CDYL2: variants seen among roughly 807,000 people sequenced by gnomAD.
CDYL2 encodes the protein chromodomain Y like 2, also known as chromodomain Y-like protein 2.
Under a neutral mutation model 49.4 loss-of-function variants are expected in CDYL2, and 23 were observed. That is an observed-to-expected ratio of 0.47 (90% CI 0.34 to 0.66). CDYL2 has a LOEUF of 0.66. Ranked by LOEUF, CDYL2 falls within the 30% of genes least tolerant of loss-of-function variation. The pLI is 0.01. For synonymous variants in CDYL2, 360 were observed against 268.8 expected, an observed-to-expected ratio of 1.34 and a Z score of -3.32; for missense variants, 678 against 656.4, an observed-to-expected ratio of 1.03 and a Z score of -0.36.
chr16:80,708,676 G>A (rs1479545378), intron 1 of CDYL2, among the ~76,000 whole-genome samples: 1 of 152,168 alleles, frequency 6.6e-6, no homozygotes, highest in Non-Finnish European at 1.5e-5. Context: ...CTGTACCCAA[G>A]AGGCAATCAA....
chr16:80,648,164 G>A (rs1437150334), intron 2 of CDYL2, among the ~76,000 whole-genome samples: 1 of 151,690 alleles, frequency 6.6e-6, no homozygotes, highest in Non-Finnish European at 1.5e-5. Context: ...AAAGATCAGA[G>A]TGGAAATAGA....
At chr16:80,702,004 G>A (rs1008765625) in intron 1 of CDYL2, among the ~76,000 whole-genome samples, 5 of 152,084 alleles carry the variant, frequency 3.3e-5, no homozygotes, top group South Asian at 2.1e-4. Context: ...AGATAAAATC[G>A]GAAACAAAGT....
chr16:80,712,957 G>C (rs1435297495), intron 1 of CDYL2, among the ~76,000 whole-genome samples: 1 of 152,126 alleles, frequency 6.6e-6, no homozygotes, highest in Non-Finnish European at 1.5e-5. Flanking sequence ...GGGACAAGAG[G>C]AAGGAGGAGA....
chr16:80,644,759 C>T (rs1280875948), intron 2 of CDYL2, among the ~76,000 whole-genome samples: 1 of 152,114 alleles, frequency 6.6e-6, no homozygotes, highest in Non-Finnish European at 1.5e-5. Flanking sequence ...CTATAGTAAC[C>T]AAAACAGCAT....
At position 80,602,303 on chromosome 16, in the gene CDYL2, C is replaced by G. The variant is rs996945403; in HGVS notation, c.*2085G>C. ...AAGTCCTTACAGGATCCTACATGGACAAAGGGGAGGGTGCACAGGACTTTA... is the reference window on the plus strand; with the variant it reads ...AAGTCCTTACAGGATCCTACATGGAGAAAGGGGAGGGTGCACAGGACTTTA... On this transcript the variant is annotated 3_prime_UTR_variant, in exon 7 of 7. Coordinates refer to ENST00000570137, the MANE Select transcript of CDYL2 (RefSeq NM_152342.4). 3 of 152,178 alleles carry G rather than the reference C, an allele frequency of 2.0e-5. No individual in the cohort carries two copies. Among genetic ancestry groups the G allele is most frequent in the African/African-American group, 7.2e-5 (3 of 41,414 alleles). 9.4% of individuals were successfully genotyped at this position (152,178 alleles called of 1,614,324 possible). A position where few individuals can be genotyped will look rare whatever the true frequency, so the allele number is the denominator to read the frequency against.
rs142996428 is a variant in CDYL2, at chr16:80,643,571, G to C, written c.617-10335C>G. Reference sequence around the variant, plus strand: ...CCTGCCCCTGCAGCAAACCTGCGTGGGTATCCACGCATTTCCATACATCTT... The same window carrying C: ...CCTGCCCCTGCAGCAAACCTGCGTGCGTATCCACGCATTTCCATACATCTT... On this transcript the variant is annotated intron_variant, in intron 2 of 6. Transcript: ENST00000570137. Among the ~76,000 whole-genome samples, 248 of 152,326 alleles carry C rather than the reference G, an allele frequency of 1.6e-3. 3 individuals carry two copies. In the Middle Eastern group the frequency reaches 0.017, roughly 10 times the overall value.
chr16:80,635,213 A>G (rs1907763351), intron 2 of CDYL2, among the ~76,000 whole-genome samples: 1 of 152,244 alleles, frequency 6.6e-6, no homozygotes, highest in Non-Finnish European at 1.5e-5. Context: ...CCATATGATC[A>G]TATCAATTGA....
At chr16:80,689,270 T>G (rs151291168) in intron 1 of CDYL2, among the ~76,000 whole-genome samples, 344 of 152,336 alleles carry the variant, frequency 2.3e-3, no homozygotes, top group African/African-American at 7.8e-3. Context: ...AGGGAAATGC[T>G]GATGCTATTA....
intron 3 of CDYL2, among the ~76,000 whole-genome samples, chr16:80,628,756 C>T (rs1258418425): frequency 2.0e-5 from 3 of 152,152 alleles, no homozygotes; most frequent in Non-Finnish European, 4.4e-5. Flanking sequence ...TAGTCCAGAC[C>T]CTTTCACATA....
intron 2 of CDYL2, among the ~76,000 whole-genome samples, chr16:80,683,493 T>A (rs922939395): frequency 6.6e-6 from 1 of 152,212 alleles, no homozygotes; most frequent in East Asian, 1.9e-4. Context: ...ACAGAGACTT[T>A]GGAAAAAGGA....
At chr16:80,763,501 G>A (rs1452128433) in intron 1 of CDYL2, among the ~76,000 whole-genome samples, 2 of 151,708 alleles carry the variant, frequency 1.3e-5, no homozygotes, top group East Asian at 3.9e-4. Flanking sequence ...AATCCCAGCA[G>A]CTTGGGAGGC....
At chr16:80,680,608 GA>G (rs1909931755) in intron 2 of CDYL2, among the ~76,000 whole-genome samples, 1 of 152,084 alleles carries the variant, frequency 6.6e-6, no homozygotes, top group Admixed American at 6.6e-5. Flanking sequence ...CGTAGTTTTA[GA>G]AAAAAGAGAG....
intron 1 of CDYL2, among the ~76,000 whole-genome samples, chr16:80,703,730 GGTA>G (rs1334770117): frequency 2.0e-5 from 3 of 152,070 alleles, no homozygotes; most frequent in African/African-American, 7.2e-5. Context: ...GCTATTCCTG[GGTA>G]CAGGCTCCCC....
At chr16:80,668,284 G>A (rs919753682) in intron 2 of CDYL2, among the ~76,000 whole-genome samples, 5 of 152,130 alleles carry the variant, frequency 3.3e-5, no homozygotes, top group Admixed American at 1.3e-4. Context: ...ATCTTTACTC[G>A]GATGTCAACT....
At chr16:80,768,966 A>G (rs1906817508) in intron 1 of CDYL2, among the ~76,000 whole-genome samples, 1 of 152,196 alleles carries the variant, frequency 6.6e-6, no homozygotes, top group Non-Finnish European at 1.5e-5. Flanking sequence ...CCTATCAAAA[A>G]CAAGTCTGGC....
At chr16:80,766,316 T>C (rs551873113) in intron 1 of CDYL2, among the ~76,000 whole-genome samples, 3 of 152,174 alleles carry the variant, frequency 2.0e-5, no homozygotes, top group East Asian at 3.9e-4. Flanking sequence ...AAGAAGGGCA[T>C]TCAAATGGCC....
chr16:80,785,862 A>G (rs907893231), intron 1 of CDYL2, among the ~76,000 whole-genome samples: 4 of 152,252 alleles, frequency 2.6e-5, no homozygotes, highest in African/African-American at 9.6e-5. Flanking sequence ...AGCAATGGGG[A>G]AAAGATTTCC....
At chr16:80,742,258 A>C (rs1905763330) in intron 1 of CDYL2, 1 of 152,236 alleles carries the variant, frequency 6.6e-6, no homozygotes, top group South Asian at 2.1e-4. Context: ...ACACTTTAAC[A>C]CTACCTAATG....
intron 2 of CDYL2, among the ~76,000 whole-genome samples, chr16:80,670,031 G>C (rs530692834): frequency 5.3e-5 from 8 of 152,286 alleles, no homozygotes; most frequent in Admixed American, 2.6e-4. Flanking sequence ...CAAGACATGG[G>C]GCACAACAAC....
Sources: allele counts gnomAD v4.1 joint callset (sites outside exome capture counted in the v4.1 genomes callset), GRCh38; gene constraint gnomAD v4.1.1; transcripts MANE v1.5; gene names NCBI Gene and HGNC (gene_info 2026-07-23, HGNC 2026-07-21).